RBFOX1: variants seen among roughly 807,000 people sequenced by gnomAD.
RBFOX1 encodes RNA binding fox-1 homolog 1, also known as RNA binding protein fox-1 homolog 1.
RBFOX1 carries 8 observed loss-of-function variants against 57.7 expected under a neutral mutation model. The observed-to-expected ratio is 0.14, with a 90% confidence interval of 0.08 to 0.25. The LOEUF (loss-of-function observed/expected upper bound fraction) is 0.25. Among genes scored for constraint, RBFOX1 ranks in the 10% least tolerant of loss-of-function variants. The pLI, the probability that RBFOX1 is intolerant of heterozygous loss-of-function variation, is 1.00. For synonymous variants in RBFOX1, 326 were observed against 222.4 expected, an observed-to-expected ratio of 1.47 and a Z score of -4.15; for missense variants, 611 against 548.5, an observed-to-expected ratio of 1.11 and a Z score of -1.14.
intron 4 of RBFOX1, among the ~76,000 whole-genome samples, chr16:7,482,650 G>A: frequency 7.0e-6 from 1 of 143,794 alleles, no homozygotes; most frequent in East Asian, 2.1e-4. Flanking sequence ...GGAGGAAGAA[G>A]ATGCTGTGAC....
intron 3 of RBFOX1, among the ~76,000 whole-genome samples, chr16:5,642,628 A>G (rs770283201): frequency 3.3e-5 from 5 of 152,026 alleles, no homozygotes; most frequent in Non-Finnish European, 7.4e-5. Context: ...TTCCCCAGCC[A>G]CCCAGCCTCA....
intron 4 of RBFOX1, among the ~76,000 whole-genome samples, chr16:5,914,837 G>A (rs1241996877): frequency 6.6e-6 from 1 of 152,102 alleles, no homozygotes; most frequent in East Asian, 1.9e-4. Flanking sequence ...GGAGCTTGCA[G>A]TGAGCCGAGA....
chr16:5,606,285 A>C (rs1293708019), intron 3 of RBFOX1, among the ~76,000 whole-genome samples: 1 of 152,076 alleles, frequency 6.6e-6, no homozygotes, highest in East Asian at 1.9e-4. Flanking sequence ...CCCTGACTGC[A>C]GACCTTTGCT....
downstream of RBFOX1, among the ~76,000 whole-genome samples, chr16:5,601,016 GCA>G (rs1436512709): frequency 6.6e-6 from 1 of 152,186 alleles, no homozygotes; most frequent in African/African-American, 2.4e-5. Context: ...CAGGAGTCTT[GCA>G]GCTTCACATC....
chr16:6,800,512 G>A (rs1603626352), intron 3 of RBFOX1, among the ~76,000 whole-genome samples: 1 of 152,010 alleles, frequency 6.6e-6, no homozygotes, highest in East Asian at 1.9e-4. Context: ...AGGCTTCCAG[G>A]TGATTCAAAA....
At position 5,424,873 on chromosome 16, in the gene RBFOX1, T is replaced by TC. The variant is rs573517433; in HGVS notation, c.220-42343_220-42342insC. The stretch of plus-strand genomic sequence containing the variant: ...TCTCTCTCTCTCTTCTTTCTTTCTT[T>TC]TTTTTCTTTCTTTCTTTCTTTCTTT... On this transcript the variant is annotated intron_variant, in intron 1 of 2. Coordinates refer to the RBFOX1 transcript ENST00000585867. Among the ~76,000 whole-genome samples the TC allele has an allele frequency of 4.7e-3, 487 of 102,740 alleles. 13 individuals carry two copies. Among genetic ancestry groups the TC allele is most frequent in the East Asian group, 0.01 (43 of 4,162 alleles). 67.4% of individuals were successfully genotyped at this position (102,740 alleles called of 152,430 possible). A position where few individuals can be genotyped will look rare whatever the true frequency, so the allele number is the denominator to read the frequency against.
intron 1 of RBFOX1, among the ~76,000 whole-genome samples, chr16:6,073,370 C>T (rs547043663): frequency 1.1e-3 from 171 of 152,248 alleles, no homozygotes; most frequent in African/African-American, 3.8e-3. Flanking sequence ...GGGTCATGGG[C>T]CCCAGAGACA....
intron 2 of RBFOX1, among the ~76,000 whole-genome samples, chr16:6,508,837 C>A (rs1233566663): frequency 6.6e-6 from 1 of 150,576 alleles, no homozygotes; most frequent in Admixed American, 6.6e-5. Flanking sequence ...GGTAAAACTG[C>A]GCTTACTTTT....
chr16:6,559,777 G>A (rs1210731487), intron 2 of RBFOX1, among the ~76,000 whole-genome samples: 1 of 151,990 alleles, frequency 6.6e-6, no homozygotes, highest in Non-Finnish European at 1.5e-5. Context: ...CTATGTGCCA[G>A]GCGCTCTTCC....
At chr16:6,759,939 A>G (rs1255524864) in intron 3 of RBFOX1, among the ~76,000 whole-genome samples, 1 of 152,158 alleles carries the variant, frequency 6.6e-6, no homozygotes, top group African/African-American at 2.4e-5. Context: ...TCATTTATCA[A>G]ATATTAGTTG....
intron 3 of RBFOX1, among the ~76,000 whole-genome samples, chr16:5,763,541 A>G (rs1194064616): frequency 6.6e-6 from 1 of 152,250 alleles, no homozygotes; most frequent in African/African-American, 2.4e-5. Context: ...CCATATTTTC[A>G]CCGAGTAAAT....
At chr16:6,201,004 C>G (rs2097211529) in intron 1 of RBFOX1, among the ~76,000 whole-genome samples, 1 of 151,008 alleles carries the variant, frequency 6.6e-6, no homozygotes, top group Non-Finnish European at 1.5e-5. Context: ...GCATTATGCT[C>G]AAATCGTTCC....
chr16:5,620,589 C>T (rs896768767), intron 3 of RBFOX1, among the ~76,000 whole-genome samples: 3 of 152,136 alleles, frequency 2.0e-5, no homozygotes, highest in Admixed American at 6.6e-5. Context: ...TGTCTTCTTA[C>T]GGCTTTCTCT....
intron 2 of RBFOX1, among the ~76,000 whole-genome samples, chr16:6,481,696 C>T (rs796649734): frequency 1.1e-4 from 16 of 152,266 alleles, no homozygotes; most frequent in African/African-American, 3.9e-4. Flanking sequence ...TACAAGATAA[C>T]ATTAGAAGTT....
At chr16:6,338,035 T>C (rs781339895) in intron 2 of RBFOX1, among the ~76,000 whole-genome samples, 1 of 152,240 alleles carries the variant, frequency 6.6e-6, no homozygotes, top group Non-Finnish European at 1.5e-5. Context: ...AGCAATACTT[T>C]GGACAATTTT....
At chr16:5,270,303 A>T (rs2062972730) in intron 1 of RBFOX1, 1 of 683,984 alleles carries the variant, frequency 1.5e-6, no homozygotes, top group Admixed American at 2.0e-5. Flanking sequence ...TGTAAGAAAT[A>T]TTGGAAAGAC....
chr16:6,852,262 T>C (rs12929733), intron 3 of RBFOX1, among the ~76,000 whole-genome samples: 1 of 152,150 alleles, frequency 6.6e-6, no homozygotes, highest in African/African-American at 2.4e-5. Flanking sequence ...TCTGCCTCTG[T>C]GTTCTTGCTG....
intron 14 of RBFOX1, among the ~76,000 whole-genome samples, chr16:7,688,721 C>G (rs1188609768): frequency 1.3e-5 from 2 of 152,048 alleles, no homozygotes; most frequent in Non-Finnish European, 2.9e-5. Flanking sequence ...ATCTATAAAA[C>G]CATCTTAAAA....
intron 1 of RBFOX1, among the ~76,000 whole-genome samples, chr16:6,177,456 A>C (rs1055413531): frequency 6.6e-6 from 1 of 152,028 alleles, no homozygotes; most frequent in Admixed American, 6.6e-5. Flanking sequence ...GGTGGTGTGC[A>C]TATCATGTGA....
Sources: gnomAD v4.1 joint callset for allele counts (sites outside exome capture counted in the v4.1 genomes callset) on GRCh38, gnomAD v4.1.1 for gene constraint, MANE v1.5 for transcripts, NCBI Gene and HGNC (gene_info 2026-07-23, HGNC 2026-07-21) for gene names.